DOK6: variants seen among roughly 807,000 people sequenced by gnomAD.
DOK6 encodes the protein docking protein 6.
In DOK6, 22 loss-of-function variants were observed where a neutral mutation model predicts 44.0. That is an observed-to-expected ratio of 0.50 (90% CI 0.36 to 0.71). The LOEUF (loss-of-function observed/expected upper bound fraction) is 0.71, where lower values mean the gene tolerates loss of function less well. Among genes scored for constraint, DOK6 ranks in the 30% least tolerant of loss-of-function variants. DOK6 has a pLI of 0.00. For missense variants in DOK6, 340 were observed against 416.4 expected (o/e 0.82, Z 1.60); for synonymous variants, 166 against 145.5 (o/e 1.14, Z -1.01).
At chr18:69,514,670 A>C (rs1453870435) in intron 1 of DOK6, among the ~76,000 whole-genome samples, 1 of 151,764 alleles carries the variant, frequency 6.6e-6, no homozygotes, top group East Asian at 1.9e-4. Context: ...AAGCATATTA[A>C]TTTATCCCAC....
At chr18:69,786,824 G>A (rs1980444369) in intron 7 of DOK6, among the ~76,000 whole-genome samples, 1 of 152,226 alleles carries the variant, frequency 6.6e-6, no homozygotes, top group South Asian at 2.1e-4. Flanking sequence ...GGTACATTAT[G>A]TTGAACCACG....
At chr18:69,836,266 T>C (rs553314070) in intron 7 of DOK6, among the ~76,000 whole-genome samples, 6 of 152,342 alleles carry the variant, frequency 3.9e-5, no homozygotes, top group Admixed American at 1.3e-4. Flanking sequence ...TTTGCTTTTA[T>C]TGTGTGATAC....
chr18:69,414,388 A>G (rs1568249771), intron 1 of DOK6, among the ~76,000 whole-genome samples: 2 of 152,118 alleles, frequency 1.3e-5, no homozygotes, highest in Non-Finnish European at 2.9e-5. Context: ...AAATTACGCA[A>G]TACTACACAG....
chr18:69,543,769 A>T (rs1982329841), intron 1 of DOK6, among the ~76,000 whole-genome samples: 1 of 151,606 alleles, frequency 6.6e-6, no homozygotes, highest in Non-Finnish European at 1.5e-5. Flanking sequence ...ATGTAGCCTA[A>T]TTATGTTGTT....
At chr18:69,519,326 C>A (rs367662236) in intron 1 of DOK6, among the ~76,000 whole-genome samples, 9 of 151,880 alleles carry the variant, frequency 5.9e-5, no homozygotes, top group African/African-American at 1.9e-4. Context: ...ACCTCAGTAA[C>A]CAAATTATAC....
chr18:69,635,238 C>T (rs895431996), intron 3 of DOK6, among the ~76,000 whole-genome samples: 1 of 152,048 alleles, frequency 6.6e-6, no homozygotes, highest in African/African-American at 2.4e-5. Context: ...ATAAACCTTT[C>T]TCTAATGCGA....
At chr18:69,540,249 T>A (rs1982234589) in intron 1 of DOK6, among the ~76,000 whole-genome samples, 1 of 152,226 alleles carries the variant, frequency 6.6e-6, no homozygotes, top group Admixed American at 6.6e-5. Context: ...AGATGCCACC[T>A]TTATCATCAT....
intron 4 of DOK6, among the ~76,000 whole-genome samples, chr18:69,682,838 C>T (rs1986072856): frequency 6.6e-6 from 1 of 152,158 alleles, no homozygotes; most frequent in Non-Finnish European, 1.5e-5. Flanking sequence ...ATCAAAGTAG[C>T]TTACACTTTC....
intron 1 of DOK6, among the ~76,000 whole-genome samples, chr18:69,513,691 G>A (rs1224656390): frequency 6.6e-6 from 1 of 152,142 alleles, no homozygotes; most frequent in Admixed American, 6.6e-5. Flanking sequence ...CAGCAACAAA[G>A]CAATATACAG....
intron 7 of DOK6, among the ~76,000 whole-genome samples, chr18:69,758,173 G>A (rs541688115): frequency 8.4e-4 from 128 of 152,336 alleles, no homozygotes; most frequent in African/African-American, 2.8e-3. Flanking sequence ...CTAATGCTGA[G>A]ATCTGCTTCA....
At chr18:69,618,102 A>G (rs1984354866) in intron 3 of DOK6, among the ~76,000 whole-genome samples, 1 of 152,142 alleles carries the variant, frequency 6.6e-6, no homozygotes, top group Admixed American at 6.5e-5. Context: ...CTTGCCAACA[A>G]CCACTATGAG....
chr18:69,693,759 A>C (rs976909162), intron 4 of DOK6, among the ~76,000 whole-genome samples: 1 of 152,044 alleles, frequency 6.6e-6, no homozygotes, highest in Non-Finnish European at 1.5e-5. Context: ...TTGTTCCTGC[A>C]TAAAATAGAT....
chr18:69,768,369 C>A (rs1196646081), intron 7 of DOK6, among the ~76,000 whole-genome samples: 1 of 151,770 alleles, frequency 6.6e-6, no homozygotes, highest in African/African-American at 2.4e-5. Flanking sequence ...TCTGGTTCAC[C>A]ATATATGGCT....
intron 1 of DOK6, among the ~76,000 whole-genome samples, chr18:69,544,902 G>A (rs912090799): frequency 6.6e-5 from 10 of 151,210 alleles, no homozygotes; most frequent in South Asian, 2.1e-4. Flanking sequence ...AGGCTGAGGC[G>A]GGCGGATCAC....
chr18:69,423,389 G>GAGTT (rs574318083), intron 1 of DOK6, among the ~76,000 whole-genome samples: 14 of 152,294 alleles, frequency 9.2e-5, no homozygotes, highest in Non-Finnish European at 1.6e-4. Context: ...TCACACTGAA[G>GAGTT]AGTTGCCTTT....
At chr18:69,471,386 G>A (rs1980102279) in intron 1 of DOK6, among the ~76,000 whole-genome samples, 1 of 151,974 alleles carries the variant, frequency 6.6e-6, no homozygotes, top group Non-Finnish European at 1.5e-5. Context: ...GAAACACTTG[G>A]TGCACTTGAG....
rs139753762 is a variant in DOK6 at position 69,457,054 on chromosome 18, G to C, written c.66+55744G>C. On this transcript the variant is annotated intron_variant, in intron 1 of 7. Coordinates refer to ENST00000382713, the MANE Select transcript of DOK6 (RefSeq NM_152721.6). The stretch of plus-strand genomic sequence containing the variant: ...TACAGATTCTGGATATTAGACCTTT[G>C]TTGGATGCATAGTGTGTGAATAATT... Among the ~76,000 whole-genome samples the C allele has an allele frequency of 9.5e-3, 1,439 of 152,244 alleles. 21 individuals are homozygous for C. The highest frequency in any genetic ancestry group is 0.032 in the African/African-American group (1,312 of 41,550).
chr18:69,753,994 T>C (rs1979271528), intron 6 of DOK6, among the ~76,000 whole-genome samples: 1 of 152,176 alleles, frequency 6.6e-6, no homozygotes, highest in African/African-American at 2.4e-5. Context: ...GCAATATAAG[T>C]TGCCTTATAT....
intron 1 of DOK6, among the ~76,000 whole-genome samples, chr18:69,418,700 A>C (rs1978405191): frequency 6.6e-6 from 1 of 151,614 alleles, no homozygotes. Flanking sequence ...TTGAACTCCT[A>C]GCCTTAAGCA....
Sources: allele counts gnomAD v4.1 joint callset (sites outside exome capture counted in the v4.1 genomes callset), GRCh38; gene constraint gnomAD v4.1.1; transcripts MANE v1.5; gene names NCBI Gene and HGNC (gene_info 2026-07-23, HGNC 2026-07-21).